Variants in SASH1 observed in about 807,000 individuals in gnomAD.
SASH1 encodes the protein SAM and SH3 domain-containing protein 1.
A neutral mutation model predicts 125.2 loss-of-function variants in SASH1; 44 were observed. That is an observed-to-expected ratio of 0.35 (90% confidence interval 0.28 to 0.45). The LOEUF is 0.45. Ranked by LOEUF, SASH1 falls within the 20% of genes least tolerant of loss-of-function variation. The pLI is 1.00. For synonymous variants in SASH1, 639 were observed against 649.1 expected (o/e 0.98, Z 0.24); for missense variants, 1,426 against 1,614.5 (o/e 0.88, Z 2.00).
In SASH1 at chr6:148,544,719, G is replaced by C. The variant is rs1167646718; in HGVS notation, c.3249G>C (p.Arg1083Ser). 2.5e-6 allele frequency: 4 copies of C among 1,610,714 alleles called. No homozygotes were observed. The South Asian group carries it at 4.4e-5, about 18-fold the overall frequency. The change falls in exon 18 of 20, where the codon AGG becomes AGC. Residue 1083 changes from arginine (R) to serine (S), a missense_variant. This residue lies in a region of SASH1 where 634 missense variants were observed against 694.4 expected (regional missense o/e 0.91). Coordinates refer to ENST00000367467, the MANE Select transcript of SASH1 (RefSeq NM_015278.5). The surrounding 1 kb of genome is among the most constrained non-coding windows in gnomAD (Gnocchi z 6.4). Reference protein sequence around the residue: ...HGVKLGPALTRKVSCARGVDL... With the variant: ...HGVKLGPALTSKVSCARGVDL... ...TGAAGCTGGGCCCGGCTTTGACCAG[G>C]AAGGTCTCCTGTGCCCGGGGAGTGG...
chr6:148,369,975 A>AC (rs1782646322), intron 1 of SASH1, among the ~76,000 whole-genome samples: 2 of 149,850 alleles, frequency 1.3e-5, no homozygotes, highest in African/African-American at 2.4e-5. Context: ...ACAAAAAAAA[A>AC]AAAAAAAAAA....
At chr6:148,386,014 G>A (rs980898079) in intron 1 of SASH1, among the ~76,000 whole-genome samples, 1 of 152,232 alleles carries the variant, frequency 6.6e-6, no homozygotes, top group African/African-American at 2.4e-5. Flanking sequence ...GGCATCAGAA[G>A]TGAAGAGCAG....
intron 2 of SASH1, among the ~76,000 whole-genome samples, chr6:148,397,822 G>A (rs1243540458): frequency 1.3e-5 from 2 of 152,344 alleles, no homozygotes; most frequent in Admixed American, 6.5e-5. Flanking sequence ...AATGAGCATT[G>A]AGTCTGTCAT....
intron 1 of SASH1, among the ~76,000 whole-genome samples, chr6:148,297,249 G>T (rs373097304): frequency 3.9e-4 from 60 of 152,290 alleles, no homozygotes; most frequent in African/African-American, 1.3e-3. Flanking sequence ...CACCAGGGCC[G>T]TCACTGGGGA....
At chr6:148,477,680 C>G (rs1446143313) in intron 7 of SASH1, among the ~76,000 whole-genome samples, 1 of 149,966 alleles carries the variant, frequency 6.7e-6, no homozygotes, top group East Asian at 2.0e-4. Context: ...TGCCTGCCAC[C>G]ACACCTGGCT....
At chr6:148,530,450 T>A (rs1781445839) in intron 12 of SASH1, among the ~76,000 whole-genome samples, 1 of 152,132 alleles carries the variant, frequency 6.6e-6, no homozygotes, top group Non-Finnish European at 1.5e-5. Flanking sequence ...CCTAATAATG[T>A]CAGCTCTAGT....
intron 1 of SASH1, among the ~76,000 whole-genome samples, chr6:148,344,790 C>T (rs1582993197): frequency 6.7e-6 from 1 of 148,716 alleles, no homozygotes; most frequent in Non-Finnish European, 1.5e-5. Flanking sequence ...AAGTCTTGCT[C>T]CGTCGCCCAG....
chr6:148,232,549 G>T, the SASH1 span, among the ~76,000 whole-genome samples: 1 of 152,180 alleles, frequency 6.6e-6, no homozygotes, highest in African/African-American at 2.4e-5. Flanking sequence ...GTGTTGTCGG[G>T]TATGTTAAAT....
intron 2 of SASH1, among the ~76,000 whole-genome samples, chr6:148,406,362 T>C (rs542820701): frequency 1.3e-5 from 2 of 152,200 alleles, no homozygotes; most frequent in South Asian, 4.1e-4. Flanking sequence ...AAGTCGTAGA[T>C]AAAAGCAGTT....
At chr6:148,334,900 G>A (rs546091256) in intron 1 of SASH1, among the ~76,000 whole-genome samples, 61 of 149,408 alleles carry the variant, frequency 4.1e-4, no homozygotes, top group South Asian at 6.4e-4. Flanking sequence ...ACTTGAACCC[G>A]GGAGGCAGAG....
intron 1 of SASH1, among the ~76,000 whole-genome samples, chr6:148,329,529 G>C (rs940979277): frequency 6.6e-6 from 1 of 152,154 alleles, no homozygotes; most frequent in African/African-American, 2.4e-5. Context: ...TTGCCACAGT[G>C]CCACCTCTTT....
chr6:148,213,505 G>GGGGTGTGTGTGTGTGTGTGTGTGTGT, the SASH1 span, among the ~76,000 whole-genome samples: 1 of 148,352 alleles, frequency 6.7e-6, no homozygotes, highest in Non-Finnish European at 1.5e-5. Context: ...CTAGCCAAAG[G>GGGGTGTGTGTGTGTGTGTGTGTGTGT]GTGTGTGTGT....
the SASH1 span, among the ~76,000 whole-genome samples, chr6:148,255,991 CT>C: frequency 0.25 from 38,309 of 151,996 alleles, 5,318 homozygotes; most frequent in Non-Finnish European, 0.3. Context: ...TCTTTAGTAT[CT>C]ACAGAATGGA....
chr6:148,330,006 T>G (rs1780944218), intron 1 of SASH1, among the ~76,000 whole-genome samples: 1 of 152,174 alleles, frequency 6.6e-6, no homozygotes, highest in South Asian at 2.1e-4. Flanking sequence ...ACCTCAGGGC[T>G]CCACCATGCA....
the SASH1 span, among the ~76,000 whole-genome samples, chr6:148,210,559 T>C: frequency 6.6e-6 from 1 of 152,182 alleles, no homozygotes; most frequent in Non-Finnish European, 1.5e-5. Flanking sequence ...CAAAAAACTA[T>C]ATCATTGCTG....
chr6:148,302,843 TACAC>T (rs1039126058), intron 1 of SASH1, among the ~76,000 whole-genome samples: 3 of 138,094 alleles, frequency 2.2e-5, no homozygotes, highest in Non-Finnish European at 3.2e-5. Context: ...TATATATATA[TACAC>T]ACACACACAC....
intron 8 of SASH1, among the ~76,000 whole-genome samples, chr6:148,489,982 G>A (rs1313257226): frequency 7.3e-6 from 1 of 136,132 alleles, no homozygotes; most frequent in Non-Finnish European, 1.5e-5. Context: ...GCAGTAAGCT[G>A]TGATTGTACC....
At chr6:148,513,620 C>T in intron 8 of SASH1, 1 of 985,664 alleles carries the variant, frequency 1.0e-6, no homozygotes, top group South Asian at 4.7e-5. Context: ...TGCTGACTCC[C>T]TGCAAAGTGC....
chr6:148,482,217 G>A (rs1778657101), intron 7 of SASH1, among the ~76,000 whole-genome samples: 1 of 152,208 alleles, frequency 6.6e-6, no homozygotes, highest in African/African-American at 2.4e-5. Flanking sequence ...ACTCAGCATT[G>A]ATGAGTGATA....
Sources: allele counts gnomAD v4.1 joint callset (sites outside exome capture counted in the v4.1 genomes callset), GRCh38; gene constraint gnomAD v4.1.1; regional missense constraint gnomAD v4.1.1; non-coding constraint Gnocchi (gnomAD v3.1); transcripts MANE v1.5; gene names NCBI Gene and HGNC (gene_info 2026-07-23, HGNC 2026-07-21).